The following NECAB2 variants were observed in gnomAD, a reference collection of about 807,000 sequenced individuals.
The protein encoded by NECAB2 is N-terminal EF-hand calcium binding protein 2, also known as N-terminal EF-hand calcium-binding protein 2.
A neutral mutation model predicts 51.9 loss-of-function variants in NECAB2; 68 were observed. The observed-to-expected ratio is 1.31, with a 90% CI of 1.08 to 1.60. NECAB2 has a LOEUF of 1.60. Ranked by LOEUF, NECAB2 falls within the 40% of genes most tolerant of loss-of-function variation. The pLI, the probability that NECAB2 is intolerant of heterozygous loss-of-function variation, is 0.00. For missense variants in NECAB2, 854 were observed against 490.3 expected, an observed-to-expected ratio of 1.74 and a Z score of -7.00; for synonymous variants, 329 against 203.5, an observed-to-expected ratio of 1.62 and a Z score of -5.25.
intron 5 of NECAB2, among the ~76,000 whole-genome samples, chr16:83,984,150 T>C (rs1003198328): frequency 2.6e-5 from 4 of 151,878 alleles, no homozygotes; most frequent in South Asian, 2.1e-4. Context: ...CGCCCGCTAC[T>C]ACGCCTGGCT....
intron 5 of NECAB2, among the ~76,000 whole-genome samples, chr16:83,985,048 C>T (rs542982619): frequency 6.6e-6 from 1 of 152,084 alleles, no homozygotes; most frequent in Admixed American, 6.6e-5. Flanking sequence ...TGCAGTGGCT[C>T]ACGCCTGTTA....
At chr16:83,999,107 A>C (rs1204812503) in intron 10 of NECAB2, among the ~76,000 whole-genome samples, 1 of 152,176 alleles carries the variant, frequency 6.6e-6, no homozygotes, top group Non-Finnish European at 1.5e-5. Flanking sequence ...GTCCTAGCAC[A>C]GGGTCTTTGA....
At position 83,968,727 on chromosome 16, in the gene NECAB2, C is replaced by G; in HGVS notation, c.79C>G (p.Leu27Val). 1.9e-6 allele frequency: 2 copies of G among 1,033,186 alleles called. No individual in the cohort carries two copies. The highest frequency in any genetic ancestry group is 2.3e-6 in the Non-Finnish European group (2 of 863,652). 64.0% of individuals were successfully genotyped at this position (1,033,186 alleles called of 1,614,324 possible). ...GGAGCCGCCGCAGCAGGGCCGGGCGCTGGGCGGGCTGCTGCGCTGGGTGGG... is the reference window on the plus strand; with the variant it reads ...GGAGCCGCCGCAGCAGGGCCGGGCGGTGGGCGGGCTGCTGCGCTGGGTGGG... ...LREPPQQGRALGGLLRWVGAR... is the reference protein window; with the variant it reads ...LREPPQQGRAVGGLLRWVGAR... The change falls in exon 1 of 13, where the codon CTG becomes GTG. Residue 27 changes from leucine (L) to valine (V), a missense_variant. Transcript: ENST00000305202.
At chr16:83,969,392 A>C (rs1280824432) in intron 1 of NECAB2, among the ~76,000 whole-genome samples, 1 of 149,516 alleles carries the variant, frequency 6.7e-6, no homozygotes. Flanking sequence ...CCCCCTCCCC[A>C]CCTTCTGTCT....
intron 10 of NECAB2, among the ~76,000 whole-genome samples, chr16:83,999,496 C>G (rs1006790205): frequency 6.6e-6 from 1 of 152,170 alleles, no homozygotes; most frequent in Non-Finnish European, 1.5e-5. Context: ...CATGGTGCAC[C>G]TAAAGCTGCA....
At chr16:83,969,355 C>G (rs1302776951) in intron 1 of NECAB2, among the ~76,000 whole-genome samples, 2 of 152,098 alleles carry the variant, frequency 1.3e-5, no homozygotes, top group Non-Finnish European at 1.5e-5. Flanking sequence ...ACCCTTTGCC[C>G]CAGCTACTGC....
At chr16:83,988,642 A>C (rs1597212950) in intron 5 of NECAB2, among the ~76,000 whole-genome samples, 1 of 152,242 alleles carries the variant, frequency 6.6e-6, no homozygotes. Context: ...CAAGTGACTT[A>C]GGACAAACTC....
chr16:83,969,167 C>G (rs1487051955), intron 1 of NECAB2, among the ~76,000 whole-genome samples: 1 of 151,348 alleles, frequency 6.6e-6, no homozygotes, highest in African/African-American at 2.4e-5. Context: ...TTTGTCCAAG[C>G]CAAACCCCCA....
intron 12 of NECAB2, 117 bp downstream of exon 12, chr16:84,002,033 C>A: frequency 3.3e-6 from 4 of 1,213,098 alleles, no homozygotes; most frequent in Non-Finnish European, 3.5e-6. Context: ...CCACTGTCAG[C>A]TCCTGCCACC....
chr16:83,987,987 C>A (rs2084576524), intron 5 of NECAB2, among the ~76,000 whole-genome samples: 1 of 152,194 alleles, frequency 6.6e-6, no homozygotes. Flanking sequence ...TATATTCCTA[C>A]CTTTCTTGGG....
chr16:83,997,306 C>A (rs539887944), intron 9 of NECAB2, 37 bp downstream of exon 9: 12 of 1,613,098 alleles, frequency 7.4e-6, no homozygotes, highest in East Asian at 2.2e-5. Flanking sequence ...GGGACCACAT[C>A]CCTACCCATG....
Position 84,002,362 on chromosome 16 carries a change from C to G in NECAB2, c.*16C>G. 2 of 1,613,578 alleles carry G rather than the reference C, an allele frequency of 1.2e-6. No individual in the cohort carries two copies. The highest frequency in any genetic ancestry group is 1.3e-5 in the African/African-American group (1 of 74,874). ...ACGGGACTGACAGCCTCCCAGAGGC[C>G]CGTGGAGGAGCCCACCAGCCCCTTC... On this transcript the variant is annotated 3_prime_UTR_variant, in exon 13 of 13. Coordinates refer to ENST00000305202, the MANE Select transcript of NECAB2 (RefSeq NM_019065.3).
chr16:83,987,916 T>C (rs2084575770), intron 5 of NECAB2, among the ~76,000 whole-genome samples: 1 of 152,246 alleles, frequency 6.6e-6, no homozygotes, highest in Non-Finnish European at 1.5e-5. Flanking sequence ...CTATATTCTG[T>C]GTCAGTACAT....
chr16:83,997,731 G>A (rs139380824), intron 9 of NECAB2, among the ~76,000 whole-genome samples: 2 of 151,988 alleles, frequency 1.3e-5, no homozygotes, highest in South Asian at 4.1e-4. Flanking sequence ...CTATCCTCAT[G>A]ATCTGCCCAC....
chr16:83,976,759 C>G lies in NECAB2; in HGVS notation c.227-1685C>G, dbSNP rs149626507. 3.2e-3 allele frequency among the ~76,000 whole-genome samples: 492 copies of G among 152,274 alleles called. 2 individuals are homozygous for G. Among genetic ancestry groups the G allele is most frequent in the African/African-American group, 0.011 (468 of 41,550 alleles). On this transcript the variant is annotated intron_variant, in intron 2 of 12. Coordinates refer to ENST00000305202, the MANE Select transcript of NECAB2 (RefSeq NM_019065.3). ...CGTGCCCACACGTTCATATTCTTTA[C>G]CGGTCTCTGATACTTTATGCTCTAT...
rs1222970973 is a variant in NECAB2 at position 83,991,816 on chromosome 16, A to ATTTTT, written c.596+1202_596+1206dup. Among the ~76,000 whole-genome samples, 98 of 112,502 alleles carry ATTTTT rather than the reference A, an allele frequency of 8.7e-4. 1 individual carries two copies. The highest frequency in any genetic ancestry group is 2.9e-3 in the African/African-American group (79 of 27,346). The allele number at this position is 112,502 out of a possible 152,430, so 73.8% of individuals were successfully genotyped here. A position where few individuals can be genotyped will look rare whatever the true frequency, so the allele number is the denominator to read the frequency against. ...CATGTAGTCCCACCCACACCCAGCT[A>ATTTTT]TTTTTTTTTTTTTTTTTTTTGTAGA... On this transcript the variant is annotated intron_variant, in intron 6 of 12. Transcript: ENST00000305202.
Position 84,002,629 on chromosome 16 carries a change from C to T in NECAB2, c.*283C>T. 1.8e-6 allele frequency: 1 copy of T among 542,966 alleles called. No homozygotes were observed. The highest frequency in any genetic ancestry group is 3.3e-6 in the Non-Finnish European group (1 of 302,184). 33.6% of individuals were successfully genotyped at this position (542,966 alleles called of 1,614,324 possible). On this transcript the variant is annotated 3_prime_UTR_variant, in exon 13 of 13. Coordinates refer to ENST00000305202, the MANE Select transcript of NECAB2 (RefSeq NM_019065.3). Reference sequence around the variant, plus strand: ...TGGTCCTGGCCTCTCCCCTACCCCTCACATGGCCACGCATGACCCACACTG... The same window carrying T: ...TGGTCCTGGCCTCTCCCCTACCCCTTACATGGCCACGCATGACCCACACTG...
chr16:83,999,131 G>T (rs2084770128), intron 10 of NECAB2, among the ~76,000 whole-genome samples: 1 of 152,190 alleles, frequency 6.6e-6, no homozygotes, highest in South Asian at 2.1e-4. Flanking sequence ...GGGTCTTCTT[G>T]GGCCCCCTGT....
At position 83,971,093 on chromosome 16, in the gene NECAB2, CAA is replaced by C. The variant is rs58733062; in HGVS notation, c.202-1045_202-1044del. Among the ~76,000 whole-genome samples, 892 of 135,830 alleles carry C rather than the reference CAA, an allele frequency of 6.6e-3. 11 individuals carry two copies. The highest frequency in any genetic ancestry group is 0.021 in the African/African-American group (826 of 38,726). The allele number at this position is 135,830 out of a possible 152,430, so 89.1% of individuals were successfully genotyped here. Reference sequence around the variant, plus strand: ...TGGGTGACAGAGCGAGACCCCATCTCAAAAAAAAAAAAAATAGTGCTGGTGAA... The same window carrying C: ...TGGGTGACAGAGCGAGACCCCATCTCAAAAAAAAAAAATAGTGCTGGTGAA... On this transcript the variant is annotated intron_variant, in intron 1 of 12. Transcript: ENST00000305202.
Sources: gnomAD v4.1 joint callset for allele counts (sites outside exome capture counted in the v4.1 genomes callset) on GRCh38, gnomAD v4.1.1 for gene constraint, MANE v1.5 for transcripts, NCBI Gene and HGNC (gene_info 2026-07-23, HGNC 2026-07-21) for gene names.